RPGRIP1: variants seen among roughly 807,000 people sequenced by gnomAD.
RPGRIP1 encodes RPGR interacting protein 1.
In RPGRIP1, 128 loss-of-function variants were observed where a neutral mutation model predicts 157.9. The ratio of observed to expected loss-of-function variants is 0.81; its 90% CI spans 0.70 to 0.94. The LOEUF is 0.94. Ranked by LOEUF, RPGRIP1 falls within the 40% of genes least tolerant of loss-of-function variation. RPGRIP1 has a pLI of 0.00. For synonymous variants in RPGRIP1, 554 were observed against 571.6 expected (o/e 0.97, Z 0.44); for missense variants, 1,486 against 1,545.8 (o/e 0.96, Z 0.65).
Position 21,324,995 on chromosome 14 carries a change from C to G in RPGRIP1, c.2140C>G (p.Leu714Val), listed in dbSNP as rs755065072. 7 of 1,613,930 alleles carry G rather than the reference C, an allele frequency of 4.3e-6. No homozygotes were observed. In the African/African-American group the frequency reaches 9.3e-5, roughly 22 times the overall value. Residue 714 changes from leucine to valine, a missense_variant, in exon 15 of 25, where the codon CTT becomes GTT. Leu to Val is a conservative substitution (Grantham distance 32, BLOSUM62 1). Transcript: ENST00000400017. Reference protein sequence around the residue: ...HQAMASEHSTLAAGWICFDRV... With the variant: ...HQAMASEHSTVAAGWICFDRV... The stretch of plus-strand genomic sequence containing the variant: ...GGCCATGGCCAGTGAACACAGCACT[C>G]TTGCTGCAGGATGGATTTGCTTTGA...
At position 21,343,866 on chromosome 14, in the gene RPGRIP1, G is replaced by GTT. The variant is rs67535379; in HGVS notation, c.3532+678_3532+679dup. On this transcript the variant is annotated intron_variant, in intron 22 of 24. Transcript: ENST00000400017. Reference sequence around the variant, plus strand: ...TGATTTTTGTTCTTCCTCTTTTCCTGTTTTTTTTTTTTTTTTTTTTTTTTT... The same window carrying GTT: ...TGATTTTTGTTCTTCCTCTTTTCCTGTTTTTTTTTTTTTTTTTTTTTTTTTTT... 4.0e-5 allele frequency among the ~76,000 whole-genome samples: 2 copies of GTT among 50,438 alleles called. 1 individual carries two copies. The highest frequency in any genetic ancestry group is 3.2e-3 in the East Asian group (2 of 622). The allele number at this position is 50,438 out of a possible 152,430, so 33.1% of individuals were successfully genotyped here. A position where few individuals can be genotyped will look rare whatever the true frequency, so the allele number is the denominator to read the frequency against.
intron 21 of RPGRIP1, 112 bp from the exon 22 acceptor site, chr14:21,342,924 A>G: frequency 1.4e-6 from 1 of 739,966 alleles, no homozygotes; most frequent in Non-Finnish European, 2.2e-6. Context: ...TAGTAGATAG[A>G]TTATACCTAT....
chr14:21,315,905 T>TCTCCTTC (rs1881775040), intron 10 of RPGRIP1, among the ~76,000 whole-genome samples: 1 of 151,116 alleles, frequency 6.6e-6, no homozygotes, highest in South Asian at 2.1e-4. Context: ...TTCAAGTGAT[T>TCTCCTTC]CTCCTTCCTC....
chr14:21,326,402 A>AGTGG (rs1446645617), intron 17 of RPGRIP1, among the ~76,000 whole-genome samples: 1 of 152,206 alleles, frequency 6.6e-6, no homozygotes, highest in Non-Finnish European at 1.5e-5. Flanking sequence ...AACATTCCTA[A>AGTGG]GTGGGTAGAG....
At chr14:21,322,098 C>CA (rs1882558834) in intron 14 of RPGRIP1, 94 bp downstream of exon 14, 5 of 1,050,884 alleles carry the variant, frequency 4.8e-6, no homozygotes, top group Non-Finnish European at 6.9e-6. Context: ...GGGTGCCTCT[C>CA]ATACCCTTAG....
In RPGRIP1 at chr14:21,317,761, T is replaced by C; in HGVS notation, c.1217T>C (p.Leu406Pro). 6.3e-7 allele frequency: 1 copy of C among 1,596,816 alleles called. No individual in the cohort carries two copies. Among genetic ancestry groups the C allele is most frequent in the Non-Finnish European group, 8.5e-7 (1 of 1,171,722 alleles). The change falls in exon 11 of 25, where the codon CTA becomes CCA. Residue 406 changes from leucine (L) to proline (P), a missense_variant. Transcript: ENST00000400017. ...HWSNELIAEQ[L>P]QQQVSQLQDQ... ...AGCAACGAGCTCATAGCGGAACAGC[T>C]ACAGCAGCAAGTCTCTCAGCTGCAG...
At position 21,317,292 on chromosome 14, in the gene RPGRIP1, A is replaced by G. The variant is rs79997494; in HGVS notation, c.1152-404A>G. Among the ~76,000 whole-genome samples the G allele has an allele frequency of 1.6e-4, 24 of 152,320 alleles. No individual in the cohort carries two copies. In the East Asian group the frequency reaches 4.2e-3, roughly 27 times the overall value. ...TCTAGGTCAAAGACAAATATTCTCTAAACTCACCGTTGGTGAAGGTAGATG... is the reference window on the plus strand; with the variant it reads ...TCTAGGTCAAAGACAAATATTCTCTGAACTCACCGTTGGTGAAGGTAGATG... On this transcript the variant is annotated intron_variant, in intron 10 of 24. Transcript: ENST00000400017.
At chr14:21,294,938 G>C (rs1448239855) in intron 3 of RPGRIP1, 129 bp downstream of exon 3, 15 of 693,276 alleles carry the variant, frequency 2.2e-5, no homozygotes, top group Non-Finnish European at 2.1e-6. Flanking sequence ...TCCGCCTCCA[G>C]ATTCAAGCAA....
intron 20 of RPGRIP1, among the ~76,000 whole-genome samples, chr14:21,331,936 ATTT>A (rs397852575): frequency 0.025 from 3,305 of 130,586 alleles, 88 homozygotes; most frequent in African/African-American, 0.092. Context: ...TATATATATA[ATTT>A]TTTTTTTTTT....
chr14:21,329,273 C>G (rs1044437860), intron 19 of RPGRIP1, among the ~76,000 whole-genome samples: 1 of 151,554 alleles, frequency 6.6e-6, no homozygotes, highest in African/African-American at 2.4e-5. Flanking sequence ...GAGCTGAGAT[C>G]GTGCCACTGC....
At chr14:21,327,033 T>C (rs886228505) in intron 17 of RPGRIP1, among the ~76,000 whole-genome samples, 1 of 152,110 alleles carries the variant, frequency 6.6e-6, no homozygotes, top group Non-Finnish European at 1.5e-5. Flanking sequence ...TGGGGATAGC[T>C]GCAGTCAGAA....
rs770235827 is a variant in RPGRIP1 at position 21,317,870 on chromosome 14, G to T, written c.1306+20G>T. On this transcript the variant is annotated intron_variant, in intron 11 of 24. Transcript: ENST00000400017. ...AGAAAGGTAGGCTGGACCTTGAAGA[G>T]CTCTCTCAAATGTGGCATCCTCTAC... The T allele has an allele frequency of 6.3e-7, 1 of 1,585,484 alleles. No homozygotes were observed. Among genetic ancestry groups the T allele is most frequent in the South Asian group, 1.1e-5 (1 of 87,104 alleles).
At chr14:21,336,598 C>CT (rs1264952054) in intron 21 of RPGRIP1, among the ~76,000 whole-genome samples, 3 of 152,106 alleles carry the variant, frequency 2.0e-5, no homozygotes, top group East Asian at 1.9e-4. Context: ...TCTATCATAT[C>CT]TTTTTTTAGA....
At chr14:21,334,553 T>C (rs1419813430) in intron 20 of RPGRIP1, 52 bp from the exon 21 acceptor site, 2 of 1,273,414 alleles carry the variant, frequency 1.6e-6, no homozygotes, top group Non-Finnish European at 2.2e-6. Flanking sequence ...GGTCTTTTCT[T>C]GGGCTAAAGT....
Position 21,325,002 on chromosome 14 carries a change from C to T in RPGRIP1, c.2147C>T (p.Ala716Val). 1 of 1,614,042 alleles carries T rather than the reference C, an allele frequency of 6.2e-7. No individual in the cohort carries two copies. Residue 716 changes from alanine (A) to valine (V), a missense_variant, in exon 15 of 25, where the codon GCA becomes GTA. Ala to Val is a moderately conservative substitution (Grantham distance 64). Transcript: ENST00000400017. ...GCCAGTGAACACAGCACTCTTGCTGCAGGATGGATTTGCTTTGACAGGGTG... is the reference window on the plus strand; with the variant it reads ...GCCAGTGAACACAGCACTCTTGCTGTAGGATGGATTTGCTTTGACAGGGTG... Reference protein sequence around the residue: ...AMASEHSTLAAGWICFDRVLE... With the variant: ...AMASEHSTLAVGWICFDRVLE...
Position 21,321,876 on chromosome 14 carries a change from C to A in RPGRIP1, c.1634C>A (p.Thr545Lys). Residue 545 changes from threonine (T) to lysine (K), a missense_variant, in exon 14 of 25, where the codon ACA becomes AAA. Thr to Lys is a moderately conservative substitution (Grantham distance 78). Transcript: ENST00000400017. Reference sequence around the variant, plus strand: ...CAGGAGGAACTGGAGGCAATGATGACAAAAGCTGACAATGATAATAGAGAT... The same window carrying A: ...CAGGAGGAACTGGAGGCAATGATGAAAAAAGCTGACAATGATAATAGAGAT... ...CYQEELEAMM[T>K]KADNDNRDHK... 6.2e-7 allele frequency: 1 copy of A among 1,612,704 alleles called. No individual in the cohort carries two copies. The highest frequency in any genetic ancestry group is 8.5e-7 in the Non-Finnish European group (1 of 1,179,404).
intron 7 of RPGRIP1, among the ~76,000 whole-genome samples, chr14:21,308,061 C>T (rs539296227): frequency 1.3e-5 from 2 of 152,310 alleles, no homozygotes; most frequent in Non-Finnish European, 2.9e-5. Flanking sequence ...AAGGCTCAAG[C>T]TCTGCCTGCT....
Position 21,339,465 on chromosome 14 carries a change from T to G in RPGRIP1, c.3340-3571T>G, listed in dbSNP as rs946324043. On this transcript the variant is annotated intron_variant, in intron 21 of 24. Transcript: ENST00000400017. ...GTCTCAAAAAGAAAAAAAAGAAAAA[T>G]AATTTTAGATGTACAGGAAGGTGCT... Among the ~76,000 whole-genome samples the G allele has an allele frequency of 5.9e-5, 9 of 151,914 alleles. No homozygotes were observed. The East Asian group carries it at 7.7e-4, about 13-fold the overall frequency.
chr14:21,326,623 G>C (rs907743555), intron 17 of RPGRIP1, among the ~76,000 whole-genome samples: 1 of 152,034 alleles, frequency 6.6e-6, no homozygotes, highest in Non-Finnish European at 1.5e-5. Flanking sequence ...TCCCACCTGA[G>C]CCTCCCAAAG....
Sources: gnomAD v4.1 joint callset for allele counts (sites outside exome capture counted in the v4.1 genomes callset) on GRCh38, gnomAD v4.1.1 for gene constraint, MANE v1.5 for transcripts, NCBI Gene and HGNC (gene_info 2026-07-23, HGNC 2026-07-21) for gene names.